COG7: variants seen among roughly 807,000 people sequenced by gnomAD.
COG7 encodes the protein component of oligomeric golgi complex 7, also known as conserved oligomeric Golgi complex subunit 7.
A neutral mutation model predicts 91.5 loss-of-function variants in COG7; 49 were observed. The observed-to-expected ratio is 0.54, with a 90% CI of 0.43 to 0.68. COG7 has a LOEUF of 0.68. Ranked by LOEUF, COG7 falls within the 30% of genes least tolerant of loss-of-function variation. The probability of loss-of-function intolerance (pLI) is 0.00; values close to 1 mark genes in which losing one functional copy is unlikely to be tolerated. For missense variants in COG7, 895 were observed against 961.3 expected, an observed-to-expected ratio of 0.93 and a Z score of 0.91; for synonymous variants, 365 against 388.7, an observed-to-expected ratio of 0.94 and a Z score of 0.72.
intron 16 of COG7, chr16:23,391,876 C>T (rs1014938714): frequency 4.2e-6 from 2 of 472,800 alleles, no homozygotes; most frequent in Non-Finnish European, 5.9e-6. Flanking sequence ...ATGGAGACCA[C>T]AAAGTGACCC....
At chr16:23,395,602 A>G (rs1963273471) in intron 14 of COG7, among the ~76,000 whole-genome samples, 1 of 152,252 alleles carries the variant, frequency 6.6e-6, no homozygotes. Flanking sequence ...GTAATCTGAC[A>G]TCTCTAACTT....
At position 23,452,937 on chromosome 16, in the gene COG7, C is replaced by T; in HGVS notation, c.58G>A (p.Ala20Thr). The T allele has an allele frequency of 2.5e-6, 4 of 1,614,088 alleles. No individual in the cohort carries two copies. The highest frequency in any genetic ancestry group is 3.4e-6 in the Non-Finnish European group (4 of 1,179,976). Residue 20 changes from alanine to threonine, a missense_variant, in exon 1 of 17, where the codon GCC becomes ACC. Ala to Thr is a moderately conservative substitution (Grantham distance 58). Coordinates refer to ENST00000307149, the MANE Select transcript of COG7 (RefSeq NM_153603.4). ...GCCTCCTTGGAGCCGGCCCTGAAGG[C>T]CGCATTGATCCACTCCTTCACGTCG... ...DFDVKEWINAAFRAGSKEAAS... is the reference protein window; with the variant it reads ...DFDVKEWINATFRAGSKEAAS...
intron 14 of COG7, among the ~76,000 whole-genome samples, chr16:23,397,417 A>T (rs1963303366): frequency 6.6e-6 from 1 of 152,098 alleles, no homozygotes; most frequent in African/African-American, 2.4e-5. Context: ...AGAGCACCTG[A>T]GCTAGACTGC....
intron 13 of COG7, among the ~76,000 whole-genome samples, chr16:23,399,009 C>G (rs1323853373): frequency 7.5e-6 from 1 of 133,490 alleles, no homozygotes; most frequent in African/African-American, 3.4e-5. Context: ...CACTCTAAAG[C>G]CAGCCCTGGA....
At chr16:23,448,338 T>C (rs1438745670) in intron 1 of COG7, among the ~76,000 whole-genome samples, 1 of 152,194 alleles carries the variant, frequency 6.6e-6, no homozygotes, top group Non-Finnish European at 1.5e-5. Flanking sequence ...CTAATTATCT[T>C]GTCTCACTCT....
At chr16:23,442,207 G>C (rs552689307) in intron 4 of COG7, among the ~76,000 whole-genome samples, 1 of 151,860 alleles carries the variant, frequency 6.6e-6, no homozygotes, top group East Asian at 1.9e-4. Context: ...GGTGGCACAC[G>C]CCTGTAATCC....
chr16:23,406,722 C>T (rs1413499349), intron 11 of COG7, among the ~76,000 whole-genome samples: 1 of 152,186 alleles, frequency 6.6e-6, no homozygotes, highest in African/African-American at 2.4e-5. Flanking sequence ...GCTCGCTGCA[C>T]GCCTCTTTAC....
chr16:23,428,699 T>C (rs1034277346), intron 6 of COG7, among the ~76,000 whole-genome samples: 6 of 150,828 alleles, frequency 4.0e-5, no homozygotes, highest in African/African-American at 1.5e-4. Flanking sequence ...TTTCTTTTTT[T>C]TTTTTTTTTT....
intron 16 of COG7, among the ~76,000 whole-genome samples, chr16:23,389,375 GCA>G (rs373475379): frequency 3.3e-5 from 5 of 150,522 alleles, no homozygotes; most frequent in African/African-American, 7.3e-5. Flanking sequence ...GCACACACAC[GCA>G]CACACACTCT....
intron 11 of COG7, among the ~76,000 whole-genome samples, chr16:23,409,088 T>TGTGTGTGCGCGTGC (rs567307217): frequency 2.7e-5 from 4 of 147,806 alleles, no homozygotes; most frequent in African/African-American, 1.0e-4. Flanking sequence ...TGTGTGTGTG[T>TGTGTGTGCGCGTGC]GCGTGCATGT....
At position 23,405,989 on chromosome 16, in the gene COG7, G is replaced by C. The variant is rs1963454011; in HGVS notation, c.1662+87C>G. ...ACGTCACAGCCCAGGGCCACACACAGGGCCCGCCTGTAACCCAGAGAGGGA... is the reference window on the plus strand; with the variant it reads ...ACGTCACAGCCCAGGGCCACACACACGGCCCGCCTGTAACCCAGAGAGGGA... On this transcript the variant is annotated intron_variant, in intron 12 of 16. Coordinates refer to ENST00000307149, the MANE Select transcript of COG7 (RefSeq NM_153603.4). The C allele has an allele frequency of 4.0e-6, 5 of 1,254,376 alleles. No homozygotes were observed. In the Admixed American group the frequency reaches 8.4e-5, roughly 21 times the overall value. The allele number at this position is 1,254,376 out of a possible 1,614,324, so 77.7% of individuals were successfully genotyped here. A position where few individuals can be genotyped will look rare whatever the true frequency, so the allele number is the denominator to read the frequency against.
intron 7 of COG7, among the ~76,000 whole-genome samples, chr16:23,422,526 G>A (rs1453874391): frequency 2.0e-5 from 3 of 148,580 alleles, no homozygotes; most frequent in East Asian, 1.9e-4. Flanking sequence ...AATATGTTAT[G>A]TATTTATTAC....
At chr16:23,422,831 C>T (rs1309359584) in intron 7 of COG7, among the ~76,000 whole-genome samples, 1 of 151,846 alleles carries the variant, frequency 6.6e-6, no homozygotes, top group Non-Finnish European at 1.5e-5. Context: ...TTGCTTGAGG[C>T]AAGGAGTTTG....
Position 23,403,841 on chromosome 16 carries a change from C to T in COG7, c.1663-7G>A, listed in dbSNP as rs1963417586. 1 of 1,614,156 alleles carries T rather than the reference C, an allele frequency of 6.2e-7. No individual in the cohort carries two copies. The highest frequency in any genetic ancestry group is 8.5e-7 in the Non-Finnish European group (1 of 1,180,018). On this transcript the variant is annotated splice_region_variant and splice_polypyrimidine_tract_variant and intron_variant, in intron 12 of 16. Transcript: ENST00000307149. ...GGTTGCTTGACCCTTTTTCCTAAGA[C>T]AAGAAAATGCAAAAGGCAGTTGTTA...
chr16:23,395,172 A>G (rs982393620), intron 14 of COG7, among the ~76,000 whole-genome samples: 1 of 152,184 alleles, frequency 6.6e-6, no homozygotes, highest in Non-Finnish European at 1.5e-5. Flanking sequence ...TCATGTACTT[A>G]GTATAATCTT....
At chr16:23,400,894 C>T (rs1963363930) in intron 13 of COG7, among the ~76,000 whole-genome samples, 1 of 150,762 alleles carries the variant, frequency 6.6e-6, no homozygotes, top group African/African-American at 2.4e-5. Flanking sequence ...TGTTTGAACC[C>T]AGGAGGCGGA....
At position 23,451,548 on chromosome 16, in the gene COG7, TA is replaced by T. The variant is rs377095036; in HGVS notation, c.169+1277del. Among the ~76,000 whole-genome samples the T allele has an allele frequency of 8.3e-3, 1,256 of 151,516 alleles. 40 individuals are homozygous for T. Among genetic ancestry groups the T allele is most frequent in the Admixed American group, 0.056 (845 of 15,150 alleles). On this transcript the variant is annotated intron_variant, in intron 1 of 16. Transcript: ENST00000307149. ...GGGCAACATAGTGCGACCTTGTCTC[TA>T]AAAAAAAATTTTTTTTTTTAATTAG...
chr16:23,414,091 G>C (rs985584868), intron 9 of COG7: 22 of 164,594 alleles, frequency 1.3e-4, no homozygotes, highest in Non-Finnish European at 6.6e-5. Flanking sequence ...TGGGACAGAC[G>C]CATGAAAGTG....
chr16:23,400,915 A>G (rs891626028), intron 13 of COG7, among the ~76,000 whole-genome samples: 1 of 147,746 alleles, frequency 6.8e-6, no homozygotes, highest in Non-Finnish European at 1.5e-5. Context: ...GGTTGCAGTG[A>G]GTGGAGATCA....
Sources: allele counts gnomAD v4.1 joint callset (sites outside exome capture counted in the v4.1 genomes callset), GRCh38; gene constraint gnomAD v4.1.1; transcripts MANE v1.5; gene names NCBI Gene and HGNC (gene_info 2026-07-23, HGNC 2026-07-21).